Variants in ARAP1 observed in about 807,000 individuals in gnomAD.
The protein encoded by ARAP1 is ArfGAP with RhoGAP domain, ankyrin repeat and PH domain 1.
A neutral mutation model predicts 172.2 loss-of-function variants in ARAP1; 76 were observed. The ratio of observed to expected loss-of-function variants is 0.44; its 90% CI spans 0.37 to 0.53. The LOEUF (loss-of-function observed/expected upper bound fraction) is 0.53. Ranked by LOEUF, ARAP1 falls within the 20% of genes least tolerant of loss-of-function variation. ARAP1 has a pLI of 0.00. For synonymous variants in ARAP1, 804 were observed against 803.3 expected, an observed-to-expected ratio of 1.00 and a Z score of -0.01; for missense variants, 1,686 against 1,977.5, an observed-to-expected ratio of 0.85 and a Z score of 2.80.
rs1858542664 is a variant in ARAP1, at chr11:72,751,899, G to C, written c.-128+429C>G. Among the ~76,000 whole-genome samples, 3 of 152,336 alleles carry C rather than the reference G, an allele frequency of 2.0e-5. No individual in the cohort carries two copies. In the South Asian group the frequency reaches 6.2e-4, roughly 32 times the overall value. On this transcript the variant is annotated intron_variant, in intron 1 of 34. Coordinates refer to ENST00000393609, the MANE Select transcript of ARAP1 (RefSeq NM_001040118.3). ...GAAGCCATGCCCCATTTACTGGTGGGGAATTGAGATGCAGAGACCGGAAGT... is the reference window on the plus strand; with the variant it reads ...GAAGCCATGCCCCATTTACTGGTGGCGAATTGAGATGCAGAGACCGGAAGT...
At chr11:72,752,081 C>T (rs932877552) in intron 1 of ARAP1, among the ~76,000 whole-genome samples, 1 of 152,240 alleles carries the variant, frequency 6.6e-6, no homozygotes, top group Non-Finnish European at 1.5e-5. Flanking sequence ...AGACCCTTCA[C>T]GCCAAAGGGC....
Position 72,693,885 on chromosome 11 carries a change from C to T in ARAP1, c.3695-80G>A. 1 of 1,148,514 alleles carries T rather than the reference C, an allele frequency of 8.7e-7. No individual in the cohort carries two copies. The highest frequency in any genetic ancestry group is 1.2e-6 in the Non-Finnish European group (1 of 809,466). 71.1% of individuals were successfully genotyped at this position (1,148,514 alleles called of 1,614,324 possible). A position where few individuals can be genotyped will look rare whatever the true frequency, so the allele number is the denominator to read the frequency against. ...AGGCTGGCAGATGGGCACATATCAC[C>T]TACACATCCCCTGTCCACTCCAACC... On this transcript the variant is annotated intron_variant, in intron 27 of 34. Transcript: ENST00000393609. This position sits in a 1 kb window ranked among gnomAD's most constrained non-coding sequence, Gnocchi z 4.6.
rs1443363792 is a variant in ARAP1 at position 72,699,702 on chromosome 11, C to T, written c.2303-150G>A. On this transcript the variant is annotated intron_variant, in intron 16 of 34. Coordinates refer to ENST00000393609, the MANE Select transcript of ARAP1 (RefSeq NM_001040118.3). The surrounding 1 kb of genome is among the most constrained non-coding windows in gnomAD (Gnocchi z 4.2). ...TAAATCCATCCACCTCTCTGCATCC[C>T]CACCACGCTAGCCAGCCCACAAGTC... is the stretch of plus-strand genomic sequence containing the variant. 1.8e-6 allele frequency: 2 copies of T among 1,116,310 alleles called. No individual in the cohort carries two copies. The highest frequency in any genetic ancestry group is 2.5e-6 in the Non-Finnish European group (2 of 795,858). 69.2% of individuals were successfully genotyped at this position (1,116,310 alleles called of 1,614,324 possible).
intron 1 of ARAP1, among the ~76,000 whole-genome samples, chr11:72,736,337 G>C (rs1858023868): frequency 6.7e-6 from 1 of 149,924 alleles, no homozygotes; most frequent in South Asian, 2.1e-4. Context: ...CAACCTCCTG[G>C]GCTCAAGTGA....
chr11:72,718,426 C>T (rs540844200), intron 3 of ARAP1, among the ~76,000 whole-genome samples: 10 of 152,166 alleles, frequency 6.6e-5, no homozygotes, highest in East Asian at 3.9e-4. Context: ...CACTGGACCA[C>T]GTCCTCAATG....
At chr11:72,698,440 C>T (rs1856317747) in intron 18 of ARAP1, among the ~76,000 whole-genome samples, 1 of 152,244 alleles carries the variant, frequency 6.6e-6, no homozygotes, top group Non-Finnish European at 1.5e-5. Context: ...CTGTCTCCCC[C>T]ACCCACATGG....
chr11:72,736,444 AAC>A (rs1858028433), intron 1 of ARAP1, among the ~76,000 whole-genome samples: 1 of 151,998 alleles, frequency 6.6e-6, no homozygotes, highest in African/African-American at 2.4e-5. Flanking sequence ...CAAATTCTGC[AAC>A]AGAGGCAAGT....
Position 72,710,423 on chromosome 11 carries a change from C to T in ARAP1, c.1378G>A (p.Val460Met), listed in dbSNP as rs145451210. The T allele has an allele frequency of 3.3e-5, 53 of 1,614,062 alleles. No individual in the cohort carries two copies. The highest frequency in any genetic ancestry group is 2.1e-4 in the African/African-American group (16 of 75,008). ...TAGAGCTGCACTTTGTCCCCGACCA[C>T]GGCCACGTACAGCTTATTCTTGAAG... ...RGFKNKLYVA[V>M]VGDKVQLYKN... Residue 460 changes from valine to methionine, a missense_variant, in exon 10 of 35, where the codon GTG becomes ATG. This residue lies in a region of ARAP1 where 688 missense variants were observed against 856.9 expected (regional missense o/e 0.80). Coordinates refer to ENST00000393609, the MANE Select transcript of ARAP1 (RefSeq NM_001040118.3). The surrounding 1 kb of genome is among the most constrained non-coding windows in gnomAD (Gnocchi z 4.3).
Position 72,713,231 on chromosome 11 carries a change from T to C in ARAP1, c.692A>G (p.Tyr231Cys). The C allele has an allele frequency of 3.7e-6, 6 of 1,613,406 alleles. No individual in the cohort carries two copies. Among genetic ancestry groups the C allele is most frequent in the Non-Finnish European group, 5.1e-6 (6 of 1,179,688 alleles). Reference protein sequence around the residue: ...RLFPEFDDSDYDEVPEEGPGA... With the variant: ...RLFPEFDDSDCDEVPEEGPGA... ...CGGCCCCTCCTCTGGGACCTCATCG[T>C]AGTCAGAGTCATCTGGTGAGAGAGG... Residue 231 changes from tyrosine to cysteine, a missense_variant, in exon 5 of 35, where the codon TAC (tyrosine) becomes TGC (cysteine). Physicochemically the swap from Tyr to Cys is radical, Grantham distance 194 (BLOSUM62 -2). This residue lies in a region of ARAP1 where 155 missense variants were observed against 129.2 expected (regional missense o/e 1.20). Coordinates refer to ENST00000393609, the MANE Select transcript of ARAP1 (RefSeq NM_001040118.3).
At position 72,726,157 on chromosome 11, in the gene ARAP1, G is replaced by A. The variant is rs1218082715; in HGVS notation, c.509+463C>T. ...GGAGAAGGGGACAGGGTGTGAAAGA[G>A]CACACCACCAGGACCTGGGCAGTCC... On this transcript the variant is annotated intron_variant, in intron 3 of 34. Coordinates refer to ENST00000393609, the MANE Select transcript of ARAP1 (RefSeq NM_001040118.3). This position sits in a 1 kb window ranked among gnomAD's most constrained non-coding sequence, Gnocchi z 6.5. Among the ~76,000 whole-genome samples the A allele has an allele frequency of 6.6e-6, 1 of 152,060 alleles. No homozygotes were observed. Among genetic ancestry groups the A allele is most frequent in the Non-Finnish European group, 1.5e-5 (1 of 67,994 alleles).
chr11:72,710,988 C>T lies in ARAP1; in HGVS notation c.1213+33G>A, dbSNP rs757873543. ...AACTTCCAGTCTTCTCTACCCTCTTCTACACACACACACAACACCCCACAC... is the reference window on the plus strand; with the variant it reads ...AACTTCCAGTCTTCTCTACCCTCTTTTACACACACACACAACACCCCACAC... On this transcript the variant is annotated intron_variant, in intron 9 of 34. Coordinates refer to ENST00000393609, the MANE Select transcript of ARAP1 (RefSeq NM_001040118.3). This position sits in a 1 kb window ranked among gnomAD's most constrained non-coding sequence, Gnocchi z 4.3. The T allele has an allele frequency of 1.4e-5, 23 of 1,611,646 alleles. No individual in the cohort carries two copies. The South Asian group carries it at 2.3e-4, about 16-fold the overall frequency.
intron 16 of ARAP1, 139 bp downstream of exon 16, chr11:72,701,510 T>G (rs1157235762): frequency 8.2e-7 from 1 of 1,226,706 alleles, no homozygotes. Context: ...AAGTACCTAC[T>G]GTGTACCACA....
intron 1 of ARAP1, among the ~76,000 whole-genome samples, chr11:72,746,575 C>T (rs1413387331): frequency 6.6e-6 from 1 of 152,210 alleles, no homozygotes; most frequent in African/African-American, 2.4e-5. Flanking sequence ...CCTCGAATCT[C>T]ACCAGCCTAG....
chr11:72,748,248 C>G (rs565227330), intron 1 of ARAP1, among the ~76,000 whole-genome samples: 7 of 152,070 alleles, frequency 4.6e-5, no homozygotes, highest in Non-Finnish European at 1.0e-4. Context: ...TTGACTGGGC[C>G]CAGTGGCTCA....
intron 14 of ARAP1, 182 bp downstream of exon 14, chr11:72,703,970 T>A: frequency 2.6e-6 from 2 of 757,998 alleles, no homozygotes; most frequent in East Asian, 5.6e-5. Context: ...GGCTCCTCCC[T>A]GCATGGCCAG....
intron 22 of ARAP1, 83 bp downstream of exon 22, chr11:72,696,900 T>G (rs902742860): frequency 1.4e-6 from 2 of 1,411,652 alleles, no homozygotes; most frequent in Non-Finnish European, 9.6e-7. Context: ...GTAAGCCTAG[T>G]GCAAGTGCCA....
chr11:72,701,802 G>C lies in ARAP1; in HGVS notation c.2168-19C>G. Reference sequence around the variant, plus strand: ...GGCACCTCTTTGTAGGCGGGGAAAGGATGGCAGGTCATGCTGGCCACCCAA... The same window carrying C: ...GGCACCTCTTTGTAGGCGGGGAAAGCATGGCAGGTCATGCTGGCCACCCAA... On this transcript the variant is annotated intron_variant, in intron 15 of 34. Transcript: ENST00000393609. 1 of 1,611,974 alleles carries C rather than the reference G, an allele frequency of 6.2e-7. No individual in the cohort carries two copies. The highest frequency in any genetic ancestry group is 8.5e-7 in the Non-Finnish European group (1 of 1,178,736).
rs1855674035 is a variant in ARAP1 at position 72,686,151 on chromosome 11, G to A, written c.4226C>T (p.Ser1409Phe). 1.2e-6 allele frequency: 2 copies of A among 1,613,958 alleles called. No individual in the cohort carries two copies. Among genetic ancestry groups the A allele is most frequent in the South Asian group, 2.2e-5 (2 of 91,084 alleles). ...CAGCCGGACCTCAGGCACTGCCCGG[G>A]ACACGCGTGAGGGCTCTGAGGGCCA... is the stretch of plus-strand genomic sequence containing the variant. The part of the protein sequence containing the change: ...LVWPSEPSRV[S>F]RAVPEVRLGS... Residue 1409 changes from serine (S) to phenylalanine (F), a missense_variant, in exon 34 of 35, where the codon TCC becomes TTC. This residue lies in a region of ARAP1 where 379 missense variants were observed against 500.1 expected (regional missense o/e 0.76). Transcript: ENST00000393609.
chr11:72,722,235 A>C lies in ARAP1; in HGVS notation c.509+4385T>G, dbSNP rs575518287. 19 of 984,492 alleles carry C rather than the reference A, an allele frequency of 1.9e-5. No homozygotes were observed. In the East Asian group the frequency reaches 2.1e-3, roughly 106 times the overall value. The allele number at this position is 984,492 out of a possible 1,614,324, so 61.0% of individuals were successfully genotyped here. On this transcript the variant is annotated intron_variant, in intron 3 of 34. Coordinates refer to ENST00000393609, the MANE Select transcript of ARAP1 (RefSeq NM_001040118.3). Reference sequence around the variant, plus strand: ...TGTGTGACTCTGTGTGTCTGTGTGTATGTGTGTGTGTATGTCTGCACCCAG... The same window carrying C: ...TGTGTGACTCTGTGTGTCTGTGTGTCTGTGTGTGTGTATGTCTGCACCCAG...
Sources: allele counts gnomAD v4.1 joint callset (sites outside exome capture counted in the v4.1 genomes callset), GRCh38; gene constraint gnomAD v4.1.1; regional missense constraint gnomAD v4.1.1; non-coding constraint Gnocchi (gnomAD v3.1); transcripts MANE v1.5; gene names NCBI Gene and HGNC (gene_info 2026-07-23, HGNC 2026-07-21).